ZBTB7C: variants seen among roughly 807,000 people sequenced by gnomAD.
The protein encoded by ZBTB7C is zinc finger and BTB domain containing 7C.
In ZBTB7C, 8 loss-of-function variants were observed where a neutral mutation model predicts 25.7. The ratio of observed to expected loss-of-function variants is 0.31; its 90% CI spans 0.18 to 0.56. ZBTB7C has a LOEUF of 0.56. Ranked by LOEUF, ZBTB7C falls within the 20% of genes least tolerant of loss-of-function variation. The pLI, the probability that ZBTB7C is intolerant of heterozygous loss-of-function variation, is 0.91. For missense variants in ZBTB7C, 824 were observed against 855.2 expected, an observed-to-expected ratio of 0.96 and a Z score of 0.46; for synonymous variants, 394 against 369.0, an observed-to-expected ratio of 1.07 and a Z score of -0.78.
intron 2 of ZBTB7C, among the ~76,000 whole-genome samples, chr18:48,279,662 AC>A (rs764261669): frequency 1.3e-5 from 2 of 152,122 alleles, no homozygotes; most frequent in African/African-American, 4.8e-5. Context: ...AAATGAAGGC[AC>A]CCCCAGTCTT....
intron 3 of ZBTB7C, among the ~76,000 whole-genome samples, chr18:48,113,233 T>A (rs767216015): frequency 6.6e-6 from 1 of 152,204 alleles, no homozygotes; most frequent in African/African-American, 2.4e-5. Flanking sequence ...ACTGCAGTAA[T>A]CCCTTCTAAG....
chr18:48,163,937 C>T (rs755543323), intron 3 of ZBTB7C, among the ~76,000 whole-genome samples: 3 of 152,150 alleles, frequency 2.0e-5, no homozygotes, highest in South Asian at 2.1e-4. Flanking sequence ...GGACAGTTGG[C>T]GGAGGCTCCT....
In ZBTB7C at chr18:48,074,158, C is replaced by T. The variant is rs568684260; in HGVS notation, c.-16-33035G>A. Reference sequence around the variant, plus strand: ...CCTCCTGAGTAGCTGGGATTACAGACGCATGCCACCACGCCTAGCTAATTT... The same window carrying T: ...CCTCCTGAGTAGCTGGGATTACAGATGCATGCCACCACGCCTAGCTAATTT... On this transcript the variant is annotated intron_variant, in intron 3 of 4. Coordinates refer to ENST00000590800, the MANE Select transcript of ZBTB7C (RefSeq NM_001318841.2). 9.2e-5 allele frequency among the ~76,000 whole-genome samples: 14 copies of T among 152,126 alleles called. No homozygotes were observed. The South Asian group carries it at 1.7e-3, about 18-fold the overall frequency.
At chr18:48,165,161 G>A in intron 3 of ZBTB7C, 2 of 1,286,480 alleles carry the variant, frequency 1.6e-6, no homozygotes, top group Non-Finnish European at 2.0e-6. Context: ...GAGGAAATTT[G>A]CAGTCCAGGA....
chr18:48,158,879 G>A (rs1050058339), intron 3 of ZBTB7C, among the ~76,000 whole-genome samples: 5 of 152,182 alleles, frequency 3.3e-5, no homozygotes, highest in Non-Finnish European at 5.9e-5. Flanking sequence ...AGCCGCTGGG[G>A]GAAGGGACAG....
intron 1 of ZBTB7C, among the ~76,000 whole-genome samples, chr18:48,395,805 A>G (rs1241896844): frequency 6.6e-6 from 1 of 152,216 alleles, no homozygotes; most frequent in Non-Finnish European, 1.5e-5. Flanking sequence ...GCAATCCAGA[A>G]TCTGAGAAGA....
chr18:48,044,935 G>A (rs2144195944), intron 3 of ZBTB7C, among the ~76,000 whole-genome samples: 1 of 152,356 alleles, frequency 6.6e-6, no homozygotes, highest in East Asian at 1.9e-4. Flanking sequence ...CTGATACACA[G>A]AGGATGAGTG....
intron 3 of ZBTB7C, among the ~76,000 whole-genome samples, chr18:48,184,471 T>C (rs2042004821): frequency 6.6e-6 from 1 of 152,190 alleles, no homozygotes; most frequent in Non-Finnish European, 1.5e-5. Flanking sequence ...ATGGGAATAC[T>C]GGATAGAGCC....
chr18:48,259,288 CA>C (rs2044104535), intron 2 of ZBTB7C, among the ~76,000 whole-genome samples: 2 of 125,996 alleles, frequency 1.6e-5, no homozygotes, highest in African/African-American at 3.7e-5. Flanking sequence ...AAAAGCAATT[CA>C]ATGGGAAAAG....
intron 3 of ZBTB7C, among the ~76,000 whole-genome samples, chr18:48,128,464 T>C (rs2039879268): frequency 6.6e-6 from 1 of 152,180 alleles, no homozygotes; most frequent in Non-Finnish European, 1.5e-5. Flanking sequence ...TAAGTGCCCA[T>C]CGACCAATGA....
rs538065079 is a variant in ZBTB7C, at chr18:48,051,853, C to T, written c.-16-10730G>A. 3.6e-4 allele frequency among the ~76,000 whole-genome samples: 55 copies of T among 151,984 alleles called. 1 individual carries two copies. The highest frequency in any genetic ancestry group is 2.9e-3 in the Admixed American group (44 of 15,266). On this transcript the variant is annotated intron_variant, in intron 3 of 4. Coordinates refer to ENST00000590800, the MANE Select transcript of ZBTB7C (RefSeq NM_001318841.2). ...TGGCCGGGTTGGCCATGGAAGTCTG[C>T]GGCAGGCAAATCAAATGGTGCCCCT...
intron 2 of ZBTB7C, among the ~76,000 whole-genome samples, chr18:48,204,129 G>A (rs2042522430): frequency 1.3e-5 from 2 of 152,186 alleles, no homozygotes; most frequent in East Asian, 3.9e-4. Context: ...TTCCACCTCT[G>A]ATTTATACCT....
At chr18:48,393,100 C>A (rs138631927) in intron 1 of ZBTB7C, among the ~76,000 whole-genome samples, 2 of 152,172 alleles carry the variant, frequency 1.3e-5, no homozygotes, top group Non-Finnish European at 2.9e-5. Context: ...TGTGACAATA[C>A]CTTGGCATTT....
intron 2 of ZBTB7C, among the ~76,000 whole-genome samples, chr18:48,230,713 G>C (rs1032276427): frequency 6.6e-6 from 1 of 152,202 alleles, no homozygotes; most frequent in Non-Finnish European, 1.5e-5. Context: ...AGTCCAAGGC[G>C]AAAGGGCAGC....
intron 2 of ZBTB7C, among the ~76,000 whole-genome samples, chr18:48,221,591 T>C (rs1259129040): frequency 3.1e-4 from 42 of 134,742 alleles, no homozygotes; most frequent in East Asian, 9.8e-4. Context: ...CTATACTGTC[T>C]CAGTCTCCTC....
At chr18:48,314,950 T>G (rs2045913088) in intron 2 of ZBTB7C, among the ~76,000 whole-genome samples, 1 of 152,124 alleles carries the variant, frequency 6.6e-6, no homozygotes, top group Non-Finnish European at 1.5e-5. Flanking sequence ...CAGCTCCCCC[T>G]CCTGGGGGTC....
At chr18:48,132,308 A>T (rs2040010719) in intron 3 of ZBTB7C, among the ~76,000 whole-genome samples, 1 of 151,712 alleles carries the variant, frequency 6.6e-6, no homozygotes, top group East Asian at 1.9e-4. Context: ...TAGTTGAAAG[A>T]CACTAGTCAC....
intron 2 of ZBTB7C, among the ~76,000 whole-genome samples, chr18:48,234,906 G>A (rs545239965): frequency 5.1e-4 from 77 of 152,260 alleles, no homozygotes; most frequent in African/African-American, 1.8e-3. Context: ...CCTTCCTAGA[G>A]AATTGAAAAT....
intron 2 of ZBTB7C, among the ~76,000 whole-genome samples, chr18:48,188,433 G>A (rs1445102331): frequency 1.3e-5 from 2 of 152,206 alleles, no homozygotes; most frequent in Non-Finnish European, 2.9e-5. Context: ...GAACTCACTT[G>A]CTACCATGAG....
Sources: allele counts gnomAD v4.1 joint callset (sites outside exome capture counted in the v4.1 genomes callset), GRCh38; gene constraint gnomAD v4.1.1; transcripts MANE v1.5; gene names NCBI Gene and HGNC (gene_info 2026-07-23, HGNC 2026-07-21).